The following HNRNPA1 variants were observed in gnomAD, a reference collection of about 807,000 sequenced individuals.
HNRNPA1 encodes epididymis secretory sperm binding protein.
A neutral mutation model predicts 44.4 loss-of-function variants in HNRNPA1; 7 were observed. The ratio of observed to expected loss-of-function variants is 0.16; its 90% confidence interval spans 0.09 to 0.30. The LOEUF (loss-of-function observed/expected upper bound fraction) is 0.30. HNRNPA1 is among the 10% of genes least tolerant of loss of function. HNRNPA1 has a pLI of 1.00. For missense variants in HNRNPA1, 193 were observed against 465.8 expected (o/e 0.41, Z 5.39); for synonymous variants, 169 against 160.6 (o/e 1.05, Z -0.40).
rs969022620 is a variant in HNRNPA1, at chr12:54,283,140, A to G, written c.813A>G (p.Gly271=). The G allele has an allele frequency of 1.9e-6, 3 of 1,613,574 alleles. No individual in the cohort carries two copies. Among genetic ancestry groups the G allele is most frequent in the Non-Finnish European group, 2.5e-6 (3 of 1,179,788 alleles). ...GAAGCAGAGGCTATGGAAGTGGTGGACAGGGTTATGGAAACCAGGGCAGTG... is the reference window on the plus strand; with the variant it reads ...GAAGCAGAGGCTATGGAAGTGGTGGGCAGGGTTATGGAAACCAGGGCAGTG... ...SGGSRGYGSG[G]QGYGNQGSGY... is the part of the protein sequence containing the mutation. Residue 271 remains glycine, a synonymous_variant, in exon 8 of 11, where the codon GGA becomes GGG. Transcript: ENST00000340913.
chr12:54,281,806 T>C lies in HNRNPA1; in HGVS notation c.144T>C (p.Asp48=). 6.2e-7 allele frequency: 1 copy of C among 1,611,786 alleles called. No individual in the cohort carries two copies. Among genetic ancestry groups the C allele is most frequent in the Non-Finnish European group, 8.5e-7 (1 of 1,179,532 alleles). The change falls in exon 3 of 11, where the codon GAT becomes GAC. Residue 48 remains aspartate, a synonymous_variant. Transcript: ENST00000340913. ...AACACTGTTCTCAGGTAATGAGAGATCCAAACACCAAGCGCTCCAGGGGCT... is the reference window on the plus strand; with the variant it reads ...AACACTGTTCTCAGGTAATGAGAGACCCAAACACCAAGCGCTCCAGGGGCT... ...GTLTDCVVMR[D]PNTKRSRGFG...
Position 54,287,001 on chromosome 12 carries a change from C to T in HNRNPA1, c.*2457C>T, listed in dbSNP as rs1944273042. 1.3e-5 allele frequency: 2 copies of T among 152,030 alleles called. No homozygotes were observed. Among genetic ancestry groups the T allele is most frequent in the Non-Finnish European group, 2.9e-5 (2 of 68,018 alleles). The allele number at this position is 152,030 out of a possible 1,614,324, so 9.4% of individuals were successfully genotyped here. A position where few individuals can be genotyped will look rare whatever the true frequency, so the allele number is the denominator to read the frequency against. ...TCTGAGCCACTGTACTTCGTTATCA[C>T]TGCCATGCAGTTTACATGAGCTGTT... On this transcript the variant is annotated 3_prime_UTR_variant, in exon 11 of 11. Coordinates refer to ENST00000340913, the MANE Select transcript of HNRNPA1 (RefSeq NM_031157.4).
rs1188937170 is a variant in HNRNPA1, at chr12:54,285,728, T to C, written c.*1184T>C. ...ACAGTTAATATCCAATAATGTGTTA[T>C]TTGTACATAGATTCTTTTGAGCCTT... On this transcript the variant is annotated 3_prime_UTR_variant, in exon 11 of 11. Coordinates refer to ENST00000340913, the MANE Select transcript of HNRNPA1 (RefSeq NM_031157.4). 6.6e-6 allele frequency: 1 copy of C among 152,176 alleles called. No individual in the cohort carries two copies. The highest frequency in any genetic ancestry group is 1.5e-5 in the Non-Finnish European group (1 of 68,036). 9.4% of individuals were successfully genotyped at this position (152,176 alleles called of 1,614,324 possible). A position where few individuals can be genotyped will look rare whatever the true frequency, so the allele number is the denominator to read the frequency against.
At chr12:54,282,017 T>A in intron 3 of HNRNPA1, 73 bp from the exon 4 acceptor site, 1 of 1,601,032 alleles carries the variant, frequency 6.2e-7, no homozygotes, top group Non-Finnish European at 8.5e-7. Flanking sequence ...TTCGGGAGTT[T>A]TCTAAACTTA....
intron 1 of HNRNPA1, 108 bp from the exon 2 acceptor site, chr12:54,281,278 A>G: frequency 5.4e-6 from 4 of 741,144 alleles, no homozygotes; most frequent in Non-Finnish European, 9.7e-6. Context: ...TGCGACCTGA[A>G]CGAACAATAA....
Position 54,286,074 on chromosome 12 carries a change from C to T in HNRNPA1, c.*1530C>T, listed in dbSNP as rs146354980. The T allele has an allele frequency of 2.0e-5, 3 of 152,106 alleles. No individual in the cohort carries two copies. Among genetic ancestry groups the T allele is most frequent in the Admixed American group, 1.3e-4 (2 of 15,270 alleles). 9.4% of individuals were successfully genotyped at this position (152,106 alleles called of 1,614,324 possible). A position where few individuals can be genotyped will look rare whatever the true frequency, so the allele number is the denominator to read the frequency against. On this transcript the variant is annotated 3_prime_UTR_variant, in exon 11 of 11. Transcript: ENST00000340913. ...CTAGCAAGTATAGCGCGAATGGCTC[C>T]GAGCTCAGACACTCTACAGCTGAGA...
At position 54,281,489 on chromosome 12, in the gene HNRNPA1, T is replaced by C; in HGVS notation, c.119T>C (p.Leu40Pro). ...LRSHFEQWGT[L>P]TDCVVMRDPN... is the part of the protein sequence containing the mutation. ...AGCCATTTTGAGCAATGGGGAACGC[T>C]CACGGACTGTGTGGTAAGATTTGGA... Residue 40 changes from leucine to proline, a missense_variant, in exon 2 of 11, where the codon CTC (leucine) becomes CCC (proline). Leu to Pro is a moderately conservative substitution (Grantham distance 98, BLOSUM62 -3). Coordinates refer to ENST00000340913, the MANE Select transcript of HNRNPA1 (RefSeq NM_031157.4). 6.2e-7 allele frequency: 1 copy of C among 1,607,594 alleles called. No homozygotes were observed. The highest frequency in any genetic ancestry group is 8.5e-7 in the Non-Finnish European group (1 of 1,175,394).
Position 54,284,293 on chromosome 12 carries a change from G to A in HNRNPA1, c.1099G>A (p.Gly367Ser), listed in dbSNP as rs772603507. The change falls in exon 10 of 11, where the codon GGC becomes AGC. Residue 367 changes from glycine (G) to serine (S), a missense_variant. Physicochemically the swap from Gly to Ser is moderately conservative, Grantham distance 56 (BLOSUM62 0). Around this residue, in one of 2 missense-constraint regions of HNRNPA1, gnomAD observed 136 missense variants for 234.4 expected, o/e 0.58. Coordinates refer to ENST00000340913, the MANE Select transcript of HNRNPA1 (RefSeq NM_031157.4). The part of the protein sequence containing the change: ...YGGSSSSSSY[G>S]SGRRF ...CGGTTCCAGCAGCAGCAGTAGCTATGGCAGTGGCAGAAGATTTTAATTAGG... is the reference window on the plus strand; with the variant it reads ...CGGTTCCAGCAGCAGCAGTAGCTATAGCAGTGGCAGAAGATTTTAATTAGG... The A allele has an allele frequency of 2.5e-6, 4 of 1,613,980 alleles. No individual in the cohort carries two copies. The South Asian group carries it at 4.4e-5, about 18-fold the overall frequency.
chr12:54,281,717 T>A, intron 2 of HNRNPA1, 78 bp from the exon 3 acceptor site: 6 of 1,435,734 alleles, frequency 4.2e-6, no homozygotes, highest in Non-Finnish European at 5.7e-6. Flanking sequence ...TAAAGTTTCC[T>A]ATTGCCCTAT....
Position 54,283,800 on chromosome 12 carries a change from T to A in HNRNPA1, c.908-12T>A, listed in dbSNP as rs769446477. On this transcript the variant is annotated splice_polypyrimidine_tract_variant and intron_variant, in intron 8 of 10. Transcript: ENST00000340913. The stretch of plus-strand genomic sequence containing the variant: ...TCAGGTAACAGATAAAGGCCCTCTT[T>A]CCCATTCATAGGAAGCAATTTTGGA... The A allele has an allele frequency of 6.2e-7, 1 of 1,613,340 alleles. No homozygotes were observed. Among genetic ancestry groups the A allele is most frequent in the South Asian group, 1.1e-5 (1 of 91,066 alleles).
At chr12:54,282,751 G>C (rs376359391) in intron 6 of HNRNPA1, 49 bp from the exon 7 acceptor site, 1 of 1,579,640 alleles carries the variant, frequency 6.3e-7, no homozygotes, top group Non-Finnish European at 8.6e-7. Context: ...CATTCAGAAT[G>C]TCACTTTAAG....
At chr12:54,281,538 G>A (rs757887840) in intron 2 of HNRNPA1, 36 bp downstream of exon 2, 9 of 1,415,066 alleles carry the variant, frequency 6.4e-6, no homozygotes, top group South Asian at 2.3e-5. Context: ...TAAAACAGCC[G>A]ATTTCCTTGG....
chr12:54,282,330 G>C lies in HNRNPA1; in HGVS notation c.490+30G>C, dbSNP rs182866932. 2.5e-6 allele frequency: 4 copies of C among 1,611,072 alleles called. No individual in the cohort carries two copies. The Admixed American group carries it at 6.7e-5, about 27-fold the overall frequency. ...GTATCAGATAGTGGCATTTAGTAAG[G>C]GTTCCACAATCTGTATGGCATTCTA... On this transcript the variant is annotated intron_variant, in intron 4 of 10. Coordinates refer to ENST00000340913, the MANE Select transcript of HNRNPA1 (RefSeq NM_031157.4).
At chr12:54,283,263 T>G in intron 8 of HNRNPA1, 29 bp downstream of exon 8, 1 of 1,607,040 alleles carries the variant, frequency 6.2e-7, no homozygotes, top group South Asian at 1.1e-5. Context: ...AAGTACTTGG[T>G]GTGACAGCTA....
chr12:54,282,967 C>T, intron 7 of HNRNPA1, 93 bp downstream of exon 7: 7 of 1,484,608 alleles, frequency 4.7e-6, no homozygotes, highest in South Asian at 1.2e-5. Context: ...GCATGTCAAA[C>T]TCAACTTTGC....
At chr12:54,282,897 G>A (rs1194582186) in intron 7 of HNRNPA1, 23 bp downstream of exon 7, 2 of 1,538,892 alleles carry the variant, frequency 1.3e-6, no homozygotes, top group Non-Finnish European at 1.8e-6. Context: ...GGAATAAGTA[G>A]AGAAAAATTC....
Position 54,281,515 on chromosome 12 carries a change from A to G in HNRNPA1, c.132+13A>G. Reference sequence around the variant, plus strand: ...CACGGACTGTGTGGTAAGATTTGGAAGGGACAAAGCAGTAAAACAGCCGAT... The same window carrying G: ...CACGGACTGTGTGGTAAGATTTGGAGGGGACAAAGCAGTAAAACAGCCGAT... On this transcript the variant is annotated intron_variant, in intron 2 of 10. Transcript: ENST00000340913. The G allele has an allele frequency of 2.5e-6, 4 of 1,575,398 alleles. No individual in the cohort carries two copies. The highest frequency in any genetic ancestry group is 3.5e-6 in the Non-Finnish European group (4 of 1,147,494).
rs527268169 is a variant in HNRNPA1 at position 54,282,791 on chromosome 12, T to G, written c.677-9T>G. 6 of 1,554,696 alleles carry G rather than the reference T, an allele frequency of 3.9e-6. No individual in the cohort carries two copies. In the East Asian group the frequency reaches 1.5e-4, roughly 38 times the overall value. On this transcript the variant is annotated splice_polypyrimidine_tract_variant and intron_variant, in intron 6 of 10. Coordinates refer to ENST00000340913, the MANE Select transcript of HNRNPA1 (RefSeq NM_031157.4). ...AGTCATACTTAAAACTTGAAACTTT[T>G]TCTTACAGGTGGCTTTGGTGGCAGC...
Position 54,285,342 on chromosome 12 carries a change from C to G in HNRNPA1, c.*798C>G, listed in dbSNP as rs1944247582. ...AATGTTGAATGCTTCTATCACAATT[C>G]AAGTTCAAAGCTCTGCCAGGGAATA... On this transcript the variant is annotated 3_prime_UTR_variant, in exon 11 of 11. Coordinates refer to ENST00000340913, the MANE Select transcript of HNRNPA1 (RefSeq NM_031157.4). 1 of 152,230 alleles carries G rather than the reference C, an allele frequency of 6.6e-6. No homozygotes were observed. Among genetic ancestry groups the G allele is most frequent in the South Asian group, 2.1e-4 (1 of 4,832 alleles). The allele number at this position is 152,230 out of a possible 1,614,324, so 9.4% of individuals were successfully genotyped here.
Sources: gnomAD v4.1 joint callset for allele counts on GRCh38, gnomAD v4.1.1 for gene constraint, gnomAD v4.1.1 regional missense constraint, MANE v1.5 for transcripts, NCBI Gene and HGNC (gene_info 2026-07-23, HGNC 2026-07-21) for gene names.